Variants in SRD5A2 observed in about 807,000 individuals in gnomAD.
SRD5A2 encodes 3-oxo-5-alpha-steroid 4-dehydrogenase 2.
In SRD5A2, 30 loss-of-function variants were observed where a neutral mutation model predicts 27.4. The observed-to-expected ratio is 1.10, with a 90% CI of 0.82 to 1.49. The LOEUF (loss-of-function observed/expected upper bound fraction) is 1.49, where lower values mean the gene tolerates loss of function less well. Among genes scored for constraint, SRD5A2 ranks in the 40% most tolerant of loss-of-function variants. The pLI is 0.00. For synonymous variants in SRD5A2, 141 were observed against 133.6 expected, an observed-to-expected ratio of 1.06 and a Z score of -0.38; for missense variants, 348 against 323.4, an observed-to-expected ratio of 1.08 and a Z score of -0.58.
At chr2:31,605,860 T>C in the SRD5A2 span, among the ~76,000 whole-genome samples, 3 of 151,864 alleles carry the variant, frequency 2.0e-5, no homozygotes, top group Admixed American at 6.6e-5. Flanking sequence ...ATGTTTGTTG[T>C]AGCACTGTTC....
At chr2:31,538,033 A>T (rs1021766395) in intron 1 of SRD5A2, among the ~76,000 whole-genome samples, 2 of 152,198 alleles carry the variant, frequency 1.3e-5, no homozygotes, top group African/African-American at 4.8e-5. Flanking sequence ...CAGTTATAGC[A>T]GCGCAAAACA....
the SRD5A2 span, among the ~76,000 whole-genome samples, chr2:31,642,576 G>T: frequency 1.3e-5 from 2 of 151,662 alleles, no homozygotes; most frequent in Admixed American, 1.3e-4. Context: ...AAAATAAAAA[G>T]AATAACACCA....
upstream of SRD5A2, among the ~76,000 whole-genome samples, chr2:31,585,033 T>C (rs1435917400): frequency 2.6e-5 from 4 of 152,174 alleles, no homozygotes; most frequent in Non-Finnish European, 5.9e-5. Context: ...TTAAACTCAG[T>C]GTTGTCCTGT....
chr2:31,524,191 A>T lies in SRD5A2; in HGVS notation c.*2005T>A. 1 of 225,314 alleles carries T rather than the reference A, an allele frequency of 4.4e-6. No individual in the cohort carries two copies. The highest frequency in any genetic ancestry group is 8.8e-6 in the Non-Finnish European group (1 of 112,998). 14.0% of individuals were successfully genotyped at this position (225,314 alleles called of 1,614,324 possible). A position where few individuals can be genotyped will look rare whatever the true frequency, so the allele number is the denominator to read the frequency against. On this transcript the variant is annotated 3_prime_UTR_variant, in exon 5 of 5. Transcript: ENST00000622030. ...ACATGGTAGTAAAATAAAGGACTTA[A>T]GCAAGGTAGTTTTCAATGTCATGGA...
chr2:31,592,381 A>G, the SRD5A2 span, among the ~76,000 whole-genome samples: 2 of 152,204 alleles, frequency 1.3e-5, no homozygotes, highest in African/African-American at 4.8e-5. Context: ...CACTGCTAGC[A>G]TAACCAGCAT....
chr2:31,574,792 G>A (rs573786570), intron 1 of SRD5A2, among the ~76,000 whole-genome samples: 1 of 152,198 alleles, frequency 6.6e-6, no homozygotes, highest in Middle Eastern at 3.2e-3. Flanking sequence ...TGAATGTAAA[G>A]CCACGCCATT....
chr2:31,537,476 A>G (rs28383026), intron 1 of SRD5A2, among the ~76,000 whole-genome samples: 104 of 152,182 alleles, frequency 6.8e-4, no homozygotes, highest in Non-Finnish European at 1.3e-3. Flanking sequence ...TATTTGACAA[A>G]TTAATCACTC....
chr2:31,634,526 C>T, the SRD5A2 span, among the ~76,000 whole-genome samples: 1 of 151,936 alleles, frequency 6.6e-6, no homozygotes, highest in Non-Finnish European at 1.5e-5. Context: ...GAACCAGAAT[C>T]AAAACAAATA....
the SRD5A2 span, among the ~76,000 whole-genome samples, chr2:31,623,566 TC>T: frequency 6.6e-6 from 1 of 152,040 alleles, no homozygotes; most frequent in Non-Finnish European, 1.5e-5. Flanking sequence ...TTATTTCTCA[TC>T]CTTGTGGGTT....
chr2:31,628,764 G>A, the SRD5A2 span, among the ~76,000 whole-genome samples: 1 of 151,932 alleles, frequency 6.6e-6, no homozygotes, highest in Non-Finnish European at 1.5e-5. Context: ...GTTGAAAATA[G>A]GCTCCCAATC....
chr2:31,594,262 A>T, the SRD5A2 span, among the ~76,000 whole-genome samples: 1 of 152,178 alleles, frequency 6.6e-6, no homozygotes, highest in Non-Finnish European at 1.5e-5. Context: ...GAATGACAGA[A>T]TACATAAAAT....
intron 1 of SRD5A2, among the ~76,000 whole-genome samples, chr2:31,542,145 A>G (rs747184684): frequency 6.6e-6 from 1 of 152,212 alleles, no homozygotes; most frequent in African/African-American, 2.4e-5. Flanking sequence ...ACAACTCACA[A>G]CAAAATTTAC....
In SRD5A2 at chr2:31,526,235, G is replaced by A; in HGVS notation, c.726C>T (p.Tyr242=). 2 of 1,590,182 alleles carry A rather than the reference G, an allele frequency of 1.3e-6. No homozygotes were observed. The highest frequency in any genetic ancestry group is 1.3e-5 in the African/African-American group (1 of 74,532). ...GAATAAGGGCTTTCCGAGATTTGGG[G>A]TAGTCCTCAAACATCTTGAGGTAGA... ...HRFYLKMFED[Y]PKSRKALIPF... The change falls in exon 5 of 5, where the codon TAC becomes TAT. Residue 242 remains tyrosine (Y), a synonymous_variant. Coordinates refer to ENST00000622030, the MANE Select transcript of SRD5A2 (RefSeq NM_000348.4).
the SRD5A2 span, among the ~76,000 whole-genome samples, chr2:31,658,396 T>A: frequency 6.6e-6 from 1 of 151,798 alleles, no homozygotes; most frequent in African/African-American, 2.4e-5. Context: ...CTGAAGGGAA[T>A]TGAGACCAAA....
chr2:31,648,183 C>A, the SRD5A2 span, among the ~76,000 whole-genome samples: 1 of 152,166 alleles, frequency 6.6e-6, no homozygotes, highest in South Asian at 2.1e-4. Flanking sequence ...CTGAAGACAA[C>A]AGCATGGCAA....
chr2:31,642,434 T>C, the SRD5A2 span, among the ~76,000 whole-genome samples: 1 of 151,956 alleles, frequency 6.6e-6, no homozygotes, highest in Non-Finnish European at 1.5e-5. Context: ...GGTGAAATAC[T>C]TGAACAAACA....
chr2:31,616,590 T>C, the SRD5A2 span, among the ~76,000 whole-genome samples: 1 of 152,204 alleles, frequency 6.6e-6, no homozygotes, highest in Admixed American at 6.5e-5. Flanking sequence ...CAGCCCCCTT[T>C]GTTTTGCCCA....
the SRD5A2 span, among the ~76,000 whole-genome samples, chr2:31,606,113 G>A: frequency 6.6e-6 from 1 of 151,874 alleles, no homozygotes; most frequent in South Asian, 2.1e-4. Flanking sequence ...TTGAACTCAT[G>A]GAGATAAACA....
chr2:31,650,654 T>C, the SRD5A2 span, among the ~76,000 whole-genome samples: 1 of 152,250 alleles, frequency 6.6e-6, no homozygotes, highest in Non-Finnish European at 1.5e-5. Context: ...AAACACATGT[T>C]ACATGCTCTA....
Sources: allele counts gnomAD v4.1 joint callset (sites outside exome capture counted in the v4.1 genomes callset), GRCh38; gene constraint gnomAD v4.1.1; transcripts MANE v1.5; gene names NCBI Gene and HGNC (gene_info 2026-07-23, HGNC 2026-07-21).